RUFY2: variants seen among roughly 807,000 people sequenced by gnomAD.
RUFY2 encodes RUN and FYVE domain containing 2.
Under a neutral mutation model 94.4 loss-of-function variants are expected in RUFY2, and 49 were observed. That is an observed-to-expected ratio of 0.52 (90% CI 0.41 to 0.66). The LOEUF (loss-of-function observed/expected upper bound fraction) is 0.66. Among genes scored for constraint, RUFY2 ranks in the 30% least tolerant of loss-of-function variants. The pLI is 0.00. For missense variants in RUFY2, 541 were observed against 692.8 expected (o/e 0.78, Z 2.46); for synonymous variants, 255 against 235.7 (o/e 1.08, Z -0.75).
At chr10:68,395,460 C>T (rs1361772385) in intron 4 of RUFY2, among the ~76,000 whole-genome samples, 2 of 152,012 alleles carry the variant, frequency 1.3e-5, no homozygotes, top group South Asian at 2.1e-4. Context: ...TTTCAATCCT[C>T]GGATTTATTA....
chr10:68,378,473 A>G, intron 12 of RUFY2: 1 of 1,353,592 alleles, frequency 7.4e-7, no homozygotes, highest in Non-Finnish European at 9.5e-7. Context: ...CTTTTAGAAT[A>G]TTTAATAGCA....
chr10:68,349,245 G>A (rs2046489145), intron 16 of RUFY2, among the ~76,000 whole-genome samples: 1 of 152,178 alleles, frequency 6.6e-6, no homozygotes, highest in African/African-American at 2.4e-5. Flanking sequence ...GCCGGGTACA[G>A]TGGCTCACAC....
intron 7 of RUFY2, among the ~76,000 whole-genome samples, chr10:68,390,331 G>A (rs1340188151): frequency 1.3e-5 from 2 of 152,116 alleles, no homozygotes; most frequent in African/African-American, 2.4e-5. Context: ...TCACTGAGTA[G>A]TACTCAGAAA....
chr10:68,377,222 T>C, intron 12 of RUFY2: 1 of 1,330,132 alleles, frequency 7.5e-7, no homozygotes, highest in Non-Finnish European at 9.6e-7. Flanking sequence ...TTATTTCTTG[T>C]TCATAATTAA....
At chr10:68,382,142 A>G (rs918099347) in intron 10 of RUFY2, among the ~76,000 whole-genome samples, 1 of 148,572 alleles carries the variant, frequency 6.7e-6, no homozygotes, top group African/African-American at 2.5e-5. Flanking sequence ...TCCGCCTCCC[A>G]AGTTCATGCC....
chr10:68,372,180 A>G (rs556735212), intron 13 of RUFY2, among the ~76,000 whole-genome samples: 1 of 152,102 alleles, frequency 6.6e-6, no homozygotes, highest in East Asian at 1.9e-4. Context: ...AGATCATGGC[A>G]GGAGAACTGC....
At chr10:68,403,097 C>T (rs1202688069) in intron 2 of RUFY2, among the ~76,000 whole-genome samples, 1 of 150,974 alleles carries the variant, frequency 6.6e-6, no homozygotes, top group Admixed American at 6.6e-5. Context: ...CCGTCAGTCT[C>T]AGCCTCCCAA....
intron 3 of RUFY2, among the ~76,000 whole-genome samples, chr10:68,399,127 T>C (rs1235498721): frequency 6.6e-6 from 1 of 152,076 alleles, no homozygotes; most frequent in Non-Finnish European, 1.5e-5. Context: ...CACTGCAACT[T>C]CTGCCTCCTG....
chr10:68,407,020 C>G, intron 1 of RUFY2, 166 bp downstream of exon 1: 1 of 1,487,256 alleles, frequency 6.7e-7, no homozygotes, highest in Non-Finnish European at 8.9e-7. Context: ...CCATGACGAC[C>G]CCGGGAGCCC....
intron 13 of RUFY2, among the ~76,000 whole-genome samples, chr10:68,374,823 CT>C (rs2048517460): frequency 6.6e-6 from 1 of 151,914 alleles, no homozygotes; most frequent in African/African-American, 2.4e-5. Flanking sequence ...TGCATATTAA[CT>C]GGGGGAAAAT....
chr10:68,356,274 C>T (rs571897171), intron 15 of RUFY2, among the ~76,000 whole-genome samples: 1 of 152,080 alleles, frequency 6.6e-6, no homozygotes, highest in East Asian at 2.0e-4. Flanking sequence ...GGGGCCAAGG[C>T]GGGTGAATCA....
chr10:68,358,805 G>C (rs1394618594), intron 15 of RUFY2, among the ~76,000 whole-genome samples: 1 of 152,116 alleles, frequency 6.6e-6, no homozygotes, highest in Non-Finnish European at 1.5e-5. Flanking sequence ...CAGCTACTCT[G>C]GAGGCTGAGG....
chr10:68,354,010 A>T (rs937025404), intron 16 of RUFY2, among the ~76,000 whole-genome samples: 7 of 152,088 alleles, frequency 4.6e-5, no homozygotes, highest in African/African-American at 1.7e-4. Flanking sequence ...AGTTAGACAT[A>T]CAGAGATAAA....
At position 68,345,633 on chromosome 10, in the gene RUFY2, T is replaced by C. The variant is rs1432059178; in HGVS notation, c.*135A>G. On this transcript the variant is annotated 3_prime_UTR_variant, in exon 18 of 18. Coordinates refer to ENST00000602465, the MANE Select transcript of RUFY2 (RefSeq NM_001330103.2). ...TATATAACTTGTAATTTCCATGAGC[T>C]GAATATGTAGAAGATAAACTGGTAC... 4 of 676,624 alleles carry C rather than the reference T, an allele frequency of 5.9e-6. No individual in the cohort carries two copies. The Admixed American group carries it at 1.2e-4, about 20-fold the overall frequency. The allele number at this position is 676,624 out of a possible 1,614,324, so 41.9% of individuals were successfully genotyped here.
intron 15 of RUFY2, among the ~76,000 whole-genome samples, chr10:68,358,890 G>A (rs530578654): frequency 6.6e-6 from 1 of 152,164 alleles, no homozygotes; most frequent in East Asian, 1.9e-4. Flanking sequence ...CAGCCTGGGC[G>A]ACAGAGCAAC....
intron 16 of RUFY2, among the ~76,000 whole-genome samples, chr10:68,351,744 G>A (rs1480792531): frequency 8.9e-5 from 13 of 145,952 alleles, no homozygotes; most frequent in South Asian, 5.0e-4. Context: ...CACTGCACCC[G>A]GCCCCATCTT....
In RUFY2 at chr10:68,384,138, C is replaced by A. The variant is rs529418371; in HGVS notation, c.735G>T (p.Lys245Asn). The stretch of plus-strand genomic sequence containing the variant: ...CTTCCTGGAGTTTAATGATGTTATT[C>A]TTTGCTATTGCTAACTAAAAATTAA... ...TKLIEELAIA[K>N]NNIIKLQEEN... Residue 245 changes from lysine (K) to asparagine (N), a missense_variant, in exon 9 of 18, where the codon AAG (lysine) becomes AAT (asparagine). By Grantham distance (94) the Lys-to-Asn change is moderately conservative. Coordinates refer to ENST00000602465, the MANE Select transcript of RUFY2 (RefSeq NM_001330103.2). 1 of 1,608,806 alleles carries A rather than the reference C, an allele frequency of 6.2e-7. No individual in the cohort carries two copies. The highest frequency in any genetic ancestry group is 1.3e-5 in the African/African-American group (1 of 74,802).
intron 1 of RUFY2, chr10:68,406,916 C>G (rs1371258220): frequency 6.4e-7 from 1 of 1,568,652 alleles, no homozygotes; most frequent in Admixed American, 1.9e-5. Context: ...CTGGCCCTGT[C>G]CTCGCTCCTG....
chr10:68,384,886 C>T (rs746332899), intron 8 of RUFY2, among the ~76,000 whole-genome samples: 11 of 152,108 alleles, frequency 7.2e-5, no homozygotes, highest in Non-Finnish European at 8.8e-5. Flanking sequence ...ATAATGGTCC[C>T]GATCAGGAGC....
Sources: allele counts gnomAD v4.1 joint callset (sites outside exome capture counted in the v4.1 genomes callset), GRCh38; gene constraint gnomAD v4.1.1; transcripts MANE v1.5; gene names NCBI Gene and HGNC (gene_info 2026-07-23, HGNC 2026-07-21).